The following ZNF507 variants were observed in gnomAD, a reference collection of about 807,000 sequenced individuals.
ZNF507 encodes zinc finger protein 507.
ZNF507 carries 29 observed loss-of-function variants against 80.0 expected under a neutral mutation model. The ratio of observed to expected loss-of-function variants is 0.36; its 90% confidence interval spans 0.27 to 0.49. The LOEUF is 0.49. Among genes scored for constraint, ZNF507 ranks in the 20% least tolerant of loss-of-function variants. ZNF507 has a pLI of 0.98. For synonymous variants in ZNF507, 462 were observed against 422.5 expected, an observed-to-expected ratio of 1.09 and a Z score of -1.15; for missense variants, 1,081 against 1,152.2, an observed-to-expected ratio of 0.94 and a Z score of 0.90.
At chr19:32,351,910 C>A (rs1967173911) in intron 2 of ZNF507, among the ~76,000 whole-genome samples, 1 of 152,028 alleles carries the variant, frequency 6.6e-6, no homozygotes, top group Non-Finnish European at 1.5e-5. Flanking sequence ...TAGACTTAGG[C>A]AGAAAGATTT....
chr19:32,359,155 C>G (rs1450079352), intron 4 of ZNF507: 1 of 152,112 alleles, frequency 6.6e-6, no homozygotes, highest in Non-Finnish European at 1.5e-5. Context: ...CATTTATAAT[C>G]AAGTCCAAGT....
At chr19:32,351,419 CTGTGTGTG>C (rs5823) in intron 2 of ZNF507, among the ~76,000 whole-genome samples, 1,449 of 52,832 alleles carry the variant, frequency 0.027, 13 homozygotes, top group Middle Eastern at 0.11. Context: ...AGCTGGTCAG[CTGTGTGTG>C]TGTGTGTGTG....
chr19:32,363,565 G>A (rs1448448194), intron 5 of ZNF507, among the ~76,000 whole-genome samples: 4 of 152,072 alleles, frequency 2.6e-5, no homozygotes, highest in African/African-American at 7.2e-5. Flanking sequence ...GTGATCTTGC[G>A]CAAACTGTTT....
At chr19:32,374,000 T>C (rs1423755218) in intron 5 of ZNF507, among the ~76,000 whole-genome samples, 2 of 152,208 alleles carry the variant, frequency 1.3e-5, no homozygotes, top group Non-Finnish European at 2.9e-5. Flanking sequence ...TCTGTTTACA[T>C]AGTAGACTGA....
chr19:32,370,898 G>A (rs1416560880), intron 5 of ZNF507, among the ~76,000 whole-genome samples: 1 of 152,130 alleles, frequency 6.6e-6, no homozygotes, highest in African/African-American at 2.4e-5. Flanking sequence ...TGAGTTGATT[G>A]CTGTGGATGA....
chr19:32,360,670 TAAAG>T (rs1409271233), intron 5 of ZNF507, 52 bp downstream of exon 5: 8 of 994,954 alleles, frequency 8.0e-6, no homozygotes, highest in Non-Finnish European at 1.1e-5. Flanking sequence ...TATTTTATAT[TAAAG>T]AAATAAAATG....
chr19:32,371,721 G>T (rs1045187571), intron 5 of ZNF507, among the ~76,000 whole-genome samples: 4 of 149,000 alleles, frequency 2.7e-5, no homozygotes, highest in African/African-American at 7.4e-5. Flanking sequence ...CTCACTGCAA[G>T]CTCTGCCTCC....
At position 32,354,953 on chromosome 19, in the gene ZNF507, A is replaced by G. The variant is rs148274835; in HGVS notation, c.2123A>G (p.Tyr708Cys). The change falls in exon 3 of 7, where the codon TAT becomes TGT. Residue 708 changes from tyrosine to cysteine, a missense_variant. Tyr to Cys is a radical substitution (Grantham distance 194). Coordinates refer to ENST00000355898, the MANE Select transcript of ZNF507 (RefSeq NM_001136156.2). ...QCKQCEESFH[Y>C]KSQLRNHERE... ...AAGCAGTGTGAAGAATCCTTCCATT[A>G]TAAGGTAAGCATTGGTTCAGGAAGT... 486 of 1,600,750 alleles carry G rather than the reference A, an allele frequency of 3.0e-4. 4 individuals carry two copies. Among genetic ancestry groups the G allele is most frequent in the Middle Eastern group, 2.8e-3 (17 of 5,998 alleles).
At chr19:32,373,587 T>C (rs1599556818) in intron 5 of ZNF507, among the ~76,000 whole-genome samples, 1 of 152,210 alleles carries the variant, frequency 6.6e-6, no homozygotes, top group Non-Finnish European at 1.5e-5. Context: ...AAGAGTTCCT[T>C]TAACACAAAC....
At chr19:32,362,245 T>G (rs950934661) in intron 5 of ZNF507, among the ~76,000 whole-genome samples, 2 of 152,200 alleles carry the variant, frequency 1.3e-5, no homozygotes, top group Admixed American at 1.3e-4. Flanking sequence ...GGGAAATGTT[T>G]AGGAGAATGT....
chr19:32,352,267 A>G (rs2145315249), intron 2 of ZNF507, among the ~76,000 whole-genome samples: 1 of 152,308 alleles, frequency 6.6e-6, no homozygotes, highest in African/African-American at 2.4e-5. Flanking sequence ...TACAAACTAC[A>G]TGACTATAGT....
At chr19:32,381,921 T>G (rs1967628415) in intron 5 of ZNF507, 1 of 152,254 alleles carries the variant, frequency 6.6e-6, no homozygotes, top group Non-Finnish European at 1.5e-5. Flanking sequence ...CTCAAGTATG[T>G]GGAACAATTA....
At chr19:32,374,167 G>A (rs188597850) in intron 5 of ZNF507, among the ~76,000 whole-genome samples, 12 of 31,104 alleles carry the variant, frequency 3.9e-4, no homozygotes, top group Non-Finnish European at 5.1e-4. Context: ...TGCAAAGCAA[G>A]GAACACACAC....
intron 2 of ZNF507, among the ~76,000 whole-genome samples, chr19:32,352,249 A>G (rs941369516): frequency 5.3e-5 from 8 of 152,212 alleles, no homozygotes; most frequent in East Asian, 1.9e-4. Context: ...CAAATTCAAT[A>G]TGCCCTGTAC....
rs1967542428 is a variant in ZNF507, at chr19:32,376,103, G to A, written c.2361-6364G>A. ...AATGTGAAATGCTAGGCAGCTTATT[G>A]TAGTCATTAAATACTTTATTGTAGA... On this transcript the variant is annotated intron_variant, in intron 5 of 6. Transcript: ENST00000355898. Among the ~76,000 whole-genome samples the A allele has an allele frequency of 1.3e-5, 2 of 152,162 alleles. 1 individual carries two copies. The highest frequency in any genetic ancestry group is 1.3e-4 in the Admixed American group (2 of 15,268).
chr19:32,374,476 T>C (rs1967519714), intron 5 of ZNF507, among the ~76,000 whole-genome samples: 1 of 148,438 alleles, frequency 6.7e-6, no homozygotes, highest in Non-Finnish European at 1.5e-5. Context: ...TTTTCTTTCT[T>C]TTTTTTTTTT....
Position 32,353,827 on chromosome 19 carries a change from T to G in ZNF507, c.997T>G (p.Ser333Ala). 2.5e-6 allele frequency: 4 copies of G among 1,614,190 alleles called. No individual in the cohort carries two copies. The South Asian group carries it at 4.4e-5, about 18-fold the overall frequency. The change falls in exon 3 of 7, where the codon TCA (serine) becomes GCA (alanine). Residue 333 changes from serine (S) to alanine (A), a missense_variant. This residue lies in a region of ZNF507 where 614 missense variants were observed against 583.9 expected (regional missense o/e 1.05). Coordinates refer to ENST00000355898, the MANE Select transcript of ZNF507 (RefSeq NM_001136156.2). ...GCAGATTTGCAGCTCAGAACAGTTA[T>G]CATCTTCATCTCCTTTAGAACAGAG... ...QVQICSSEQL[S>A]SSSPLEQSAE... is the part of the protein sequence containing the mutation.
chr19:32,378,944 A>C (rs538294029), intron 5 of ZNF507, among the ~76,000 whole-genome samples: 1 of 152,346 alleles, frequency 6.6e-6, no homozygotes, highest in South Asian at 2.1e-4. Context: ...TAACATAAAA[A>C]TTAACGTATG....
chr19:32,369,676 T>TAACAATATG (rs1247663728), intron 5 of ZNF507, among the ~76,000 whole-genome samples: 1 of 152,172 alleles, frequency 6.6e-6, no homozygotes, highest in Non-Finnish European at 1.5e-5. Flanking sequence ...TATTGGAGGT[T>TAACAATATG]AACAATATGA....
Sources: allele counts gnomAD v4.1 joint callset (sites outside exome capture counted in the v4.1 genomes callset), GRCh38; gene constraint gnomAD v4.1.1; regional missense constraint gnomAD v4.1.1; transcripts MANE v1.5; gene names NCBI Gene and HGNC (gene_info 2026-07-23, HGNC 2026-07-21).